Variants in SPOCK1 observed in about 807,000 individuals in gnomAD.
SPOCK1 encodes the protein SPARC (osteonectin), cwcv and kazal like domains proteoglycan 1, also known as testican-1.
Under a neutral mutation model 55.3 loss-of-function variants are expected in SPOCK1, and 23 were observed. That is an observed-to-expected ratio of 0.42 (90% CI 0.30 to 0.59). The LOEUF (loss-of-function observed/expected upper bound fraction) is 0.59, where lower values mean the gene tolerates loss of function less well. Among genes scored for constraint, SPOCK1 ranks in the 20% least tolerant of loss-of-function variants. The pLI is 0.22. For missense variants in SPOCK1, 499 were observed against 552.5 expected, an observed-to-expected ratio of 0.90 and a Z score of 0.97; for synonymous variants, 226 against 221.0, an observed-to-expected ratio of 1.02 and a Z score of -0.20.
chr5:137,052,781 A>G (rs1752229688), intron 6 of SPOCK1, among the ~76,000 whole-genome samples: 1 of 152,144 alleles, frequency 6.6e-6, no homozygotes, highest in South Asian at 2.1e-4. Flanking sequence ...TTTAAATAGT[A>G]TTTTATTATA....
At chr5:137,188,512 G>A (rs577336860) in intron 3 of SPOCK1, among the ~76,000 whole-genome samples, 1 of 152,042 alleles carries the variant, frequency 6.6e-6, no homozygotes. Context: ...ATTTGTCTTG[G>A]GGCACTATGA....
chr5:137,016,327 G>A (rs945840819), intron 6 of SPOCK1, among the ~76,000 whole-genome samples: 40 of 152,280 alleles, frequency 2.6e-4, no homozygotes, highest in African/African-American at 9.1e-4. Context: ...ATGCAATACC[G>A]CAAGCACGAG....
chr5:137,338,094 G>A (rs1282798095), intron 2 of SPOCK1, among the ~76,000 whole-genome samples: 2 of 152,072 alleles, frequency 1.3e-5, no homozygotes, highest in African/African-American at 4.8e-5. Context: ...ATGTATACAT[G>A]TGCCATGTTG....
intron 3 of SPOCK1, among the ~76,000 whole-genome samples, chr5:137,218,302 C>T (rs1462578190): frequency 6.6e-6 from 1 of 152,160 alleles, no homozygotes; most frequent in Non-Finnish European, 1.5e-5. Context: ...AGGACAGTGC[C>T]TTTTCTAACT....
intron 6 of SPOCK1, among the ~76,000 whole-genome samples, chr5:137,059,453 A>C (rs1466383614): frequency 6.6e-6 from 1 of 152,272 alleles, no homozygotes; most frequent in African/African-American, 2.4e-5. Flanking sequence ...AACTGGGATG[A>C]TGGATTAAAG....
At chr5:137,464,490 G>A (rs1753558734) in intron 2 of SPOCK1, among the ~76,000 whole-genome samples, 1 of 151,822 alleles carries the variant, frequency 6.6e-6, no homozygotes, top group Admixed American at 6.6e-5. Context: ...AAAAGATAGT[G>A]TGGCAAGAAA....
intron 3 of SPOCK1, among the ~76,000 whole-genome samples, chr5:137,262,138 T>C (rs1380847793): frequency 6.6e-6 from 1 of 152,186 alleles, no homozygotes; most frequent in Non-Finnish European, 1.5e-5. Flanking sequence ...ATTCATCCCC[T>C]ATTCAATGAA....
intron 9 of SPOCK1, among the ~76,000 whole-genome samples, chr5:136,980,381 AG>A (rs768627423): frequency 6.6e-6 from 1 of 152,196 alleles, no homozygotes; most frequent in Non-Finnish European, 1.5e-5. Context: ...CAAATTTACA[AG>A]TATGTTACTA....
At chr5:137,272,332 C>T (rs1756979588) in intron 2 of SPOCK1, among the ~76,000 whole-genome samples, 1 of 152,168 alleles carries the variant, frequency 6.6e-6, no homozygotes, top group Non-Finnish European at 1.5e-5. Context: ...TAATAGAAGT[C>T]ACCAGAAAAG....
intron 3 of SPOCK1, among the ~76,000 whole-genome samples, chr5:137,210,691 C>T (rs971853801): frequency 3.9e-5 from 6 of 152,182 alleles, no homozygotes; most frequent in African/African-American, 1.4e-4. Context: ...CTCTAGATAA[C>T]CCAGTCACCA....
intron 6 of SPOCK1, among the ~76,000 whole-genome samples, chr5:137,012,921 A>G (rs1158771325): frequency 1.3e-5 from 2 of 152,236 alleles, no homozygotes; most frequent in Non-Finnish European, 2.9e-5. Flanking sequence ...AAATTTGCCA[A>G]AGAAGAATAT....
intron 3 of SPOCK1, among the ~76,000 whole-genome samples, chr5:137,188,050 G>C (rs1313358735): frequency 1.3e-5 from 2 of 152,148 alleles, no homozygotes; most frequent in Non-Finnish European, 2.9e-5. Context: ...GCAGTGTAGA[G>C]AAGAGGAGTT....
intron 2 of SPOCK1, among the ~76,000 whole-genome samples, chr5:137,405,571 A>G (rs1358973093): frequency 1.3e-5 from 2 of 152,122 alleles, no homozygotes; most frequent in Non-Finnish European, 2.9e-5. Flanking sequence ...ACAGATCCCT[A>G]CTGGGCCATA....
chr5:137,068,131 A>G (rs573599278), intron 5 of SPOCK1, among the ~76,000 whole-genome samples: 1 of 152,300 alleles, frequency 6.6e-6, no homozygotes, highest in East Asian at 1.9e-4. Context: ...TAACATCTGT[A>G]GAGTCCTATC....
intron 2 of SPOCK1, among the ~76,000 whole-genome samples, chr5:137,272,155 A>G (rs1255688304): frequency 6.6e-6 from 1 of 152,208 alleles, no homozygotes; most frequent in Admixed American, 6.5e-5. Context: ...GGCACACTCC[A>G]CTTTACCAAA....
chr5:137,354,172 C>T (rs769298779), intron 2 of SPOCK1, among the ~76,000 whole-genome samples: 1 of 152,184 alleles, frequency 6.6e-6, no homozygotes, highest in Non-Finnish European at 1.5e-5. Flanking sequence ...CTGCGGGAAA[C>T]CCAGTGGTGG....
intron 3 of SPOCK1, among the ~76,000 whole-genome samples, chr5:137,243,501 C>G (rs1314980640): frequency 2.0e-5 from 3 of 152,088 alleles, no homozygotes; most frequent in Non-Finnish European, 4.4e-5. Context: ...CATATGGGTA[C>G]CATCCAGAAC....
chr5:137,254,237 C>T (rs868661178), intron 3 of SPOCK1, among the ~76,000 whole-genome samples: 1 of 152,262 alleles, frequency 6.6e-6, no homozygotes, highest in Non-Finnish European at 1.5e-5. Flanking sequence ...GCAGGGTCAC[C>T]GCAAAGAGAT....
rs114817063 is a variant in SPOCK1, at chr5:137,497,525, G to A, written c.186+848C>T. On this transcript the variant is annotated intron_variant, in intron 2 of 10. Transcript: ENST00000394945. Reference sequence around the variant, plus strand: ...GGGGCAGTCCTTGAAGAAGCTGGCAGACGCTCCCACAGAACAGAGGAGATG... The same window carrying A: ...GGGGCAGTCCTTGAAGAAGCTGGCAAACGCTCCCACAGAACAGAGGAGATG... Among the ~76,000 whole-genome samples, 1,149 of 152,354 alleles carry A rather than the reference G, an allele frequency of 7.5e-3. 14 individuals are homozygous for A. Among genetic ancestry groups the A allele is most frequent in the Admixed American group, 0.015 (227 of 15,310 alleles).
Sources: gnomAD v4.1 joint callset for allele counts (sites outside exome capture counted in the v4.1 genomes callset) on GRCh38, gnomAD v4.1.1 for gene constraint, MANE v1.5 for transcripts, NCBI Gene and HGNC (gene_info 2026-07-23, HGNC 2026-07-21) for gene names.